THEMIS: variants seen among roughly 807,000 people sequenced by gnomAD.
THEMIS encodes the protein protein THEMIS.
Under a neutral mutation model 52.6 loss-of-function variants are expected in THEMIS, and 37 were observed. The ratio of observed to expected loss-of-function variants is 0.70; its 90% CI spans 0.54 to 0.93. The LOEUF (loss-of-function observed/expected upper bound fraction) is 0.93, where lower values mean the gene tolerates loss of function less well. THEMIS is among the 40% of genes least tolerant of loss of function. THEMIS has a pLI of 0.00. For synonymous variants in THEMIS, 292 were observed against 272.7 expected (o/e 1.07, Z -0.70); for missense variants, 808 against 763.1 (o/e 1.06, Z -0.69).
At chr6:127,878,964 G>C (rs1780396372) in intron 1 of THEMIS, among the ~76,000 whole-genome samples, 1 of 152,120 alleles carries the variant, frequency 6.6e-6, no homozygotes, top group African/African-American at 2.4e-5. Flanking sequence ...TTTCTAGTAA[G>C]AAGAGAAATT....
At chr6:127,798,297 G>T (rs1393579820) in intron 4 of THEMIS, among the ~76,000 whole-genome samples, 1 of 151,826 alleles carries the variant, frequency 6.6e-6, no homozygotes, top group African/African-American at 2.4e-5. Context: ...TGTGATATTA[G>T]TTCAAAAAAA....
intron 4 of THEMIS, among the ~76,000 whole-genome samples, chr6:127,809,118 G>C (rs1291998927): frequency 6.6e-6 from 1 of 152,160 alleles, no homozygotes; most frequent in African/African-American, 2.4e-5. Flanking sequence ...ACATTTTAAT[G>C]AGCTAAATGA....
chr6:127,867,689 C>G (rs948013315), intron 1 of THEMIS, among the ~76,000 whole-genome samples: 3 of 151,988 alleles, frequency 2.0e-5, no homozygotes, highest in Admixed American at 1.3e-4. Context: ...AAACGGAGAA[C>G]AGATATAGTT....
chr6:127,883,323 C>G lies in THEMIS; in HGVS notation c.91+17519G>C, dbSNP rs1040493672. Among the ~76,000 whole-genome samples, 10 of 151,780 alleles carry G rather than the reference C, an allele frequency of 6.6e-5. 1 individual carries two copies. In the East Asian group the frequency reaches 1.5e-3, roughly 23 times the overall value. On this transcript the variant is annotated intron_variant, in intron 1 of 5. Transcript: ENST00000368248. ...TAGCAGAGGTTGGTGATATGACAAA[C>G]AGGAGACCCTAAAAAAATGCAAATA...
intron 2 of THEMIS, among the ~76,000 whole-genome samples, chr6:127,846,572 T>C (rs1779222115): frequency 6.6e-6 from 1 of 151,906 alleles, no homozygotes; most frequent in Non-Finnish European, 1.5e-5. Context: ...CATACAATCC[T>C]CCTAGATTAA....
At chr6:127,862,496 T>G (rs1054875785) in intron 1 of THEMIS, among the ~76,000 whole-genome samples, 2 of 145,372 alleles carry the variant, frequency 1.4e-5, no homozygotes, top group African/African-American at 5.1e-5. Flanking sequence ...CTCTGCTCAT[T>G]GCAACCTCCA....
intron 4 of THEMIS, among the ~76,000 whole-genome samples, chr6:127,803,286 A>G (rs1443828467): frequency 6.6e-6 from 1 of 152,212 alleles, no homozygotes; most frequent in African/African-American, 2.4e-5. Flanking sequence ...AACCATTATC[A>G]TAATCCAGTT....
intron 1 of THEMIS, among the ~76,000 whole-genome samples, chr6:127,915,252 G>GT (rs1206583239): frequency 1.7e-4 from 21 of 121,120 alleles, no homozygotes; most frequent in East Asian, 1.7e-3. Context: ...TCATTTTGTT[G>GT]TTGTTTGTTT....
At chr6:127,729,643 A>G (rs1401348146) in intron 4 of THEMIS, among the ~76,000 whole-genome samples, 5 of 152,058 alleles carry the variant, frequency 3.3e-5, no homozygotes, top group Non-Finnish European at 7.4e-5. Flanking sequence ...TACTTAATCA[A>G]TCATTCTTCC....
intron 3 of THEMIS, among the ~76,000 whole-genome samples, chr6:127,821,851 C>A (rs1477281767): frequency 1.3e-5 from 2 of 151,886 alleles, no homozygotes; most frequent in African/African-American, 4.8e-5. Flanking sequence ...TAAGTGAGAA[C>A]CAATCCTTTG....
At chr6:127,740,027 C>T (rs761370062) in intron 4 of THEMIS, among the ~76,000 whole-genome samples, 1 of 152,090 alleles carries the variant, frequency 6.6e-6, no homozygotes, top group African/African-American at 2.4e-5. Flanking sequence ...TCTGGCTGTA[C>T]CCACGGGCAT....
chr6:127,888,694 A>G (rs554833763), intron 1 of THEMIS, among the ~76,000 whole-genome samples: 32 of 152,228 alleles, frequency 2.1e-4, no homozygotes, highest in African/African-American at 7.5e-4. Flanking sequence ...ATGCAAACCA[A>G]TTTTGTTTTT....
At chr6:127,820,238 A>G (rs1583314986) in intron 3 of THEMIS, among the ~76,000 whole-genome samples, 2 of 152,254 alleles carry the variant, frequency 1.3e-5, no homozygotes, top group East Asian at 1.9e-4. Context: ...AAAGAAGGGG[A>G]AAAATAGCAT....
At chr6:127,795,054 G>A (rs1031423588) in intron 4 of THEMIS, among the ~76,000 whole-genome samples, 19 of 152,136 alleles carry the variant, frequency 1.2e-4, no homozygotes, top group Non-Finnish European at 2.6e-4. Flanking sequence ...ATTCAGATGT[G>A]AGAATATAAA....
intron 4 of THEMIS, among the ~76,000 whole-genome samples, chr6:127,804,475 T>C (rs1777635206): frequency 6.6e-6 from 1 of 152,172 alleles, no homozygotes; most frequent in Non-Finnish European, 1.5e-5. Flanking sequence ...AAATAAGAGA[T>C]TAATACATGT....
chr6:127,824,786 C>A lies in THEMIS; in HGVS notation c.709+4690G>T, dbSNP rs567283844. 7.6e-3 allele frequency among the ~76,000 whole-genome samples: 1,155 copies of A among 152,154 alleles called. 31 individuals are homozygous for A. Among genetic ancestry groups the A allele is most frequent in the African/African-American group, 0.027 (1,113 of 41,520 alleles). On this transcript the variant is annotated intron_variant, in intron 3 of 5. Coordinates refer to ENST00000368248, the MANE Select transcript of THEMIS (RefSeq NM_001010923.3). ...TGCTGGGATTGCAGGCGTGAGCCAC[C>A]GGGTGGCAGGCGCCTGTAGTCCCAG...
chr6:127,879,868 A>G (rs1162511305), intron 1 of THEMIS, among the ~76,000 whole-genome samples: 1 of 151,822 alleles, frequency 6.6e-6, no homozygotes, highest in Non-Finnish European at 1.5e-5. Flanking sequence ...ACAGTTTGGT[A>G]TTTTCCCTAC....
At chr6:127,701,141 C>G in the THEMIS span, among the ~76,000 whole-genome samples, 1 of 152,068 alleles carries the variant, frequency 6.6e-6, no homozygotes, top group Non-Finnish European at 1.5e-5. Flanking sequence ...CCAGAGACCA[C>G]TTTTGTGCCT....
chr6:127,887,807 C>T (rs938552754), intron 1 of THEMIS, among the ~76,000 whole-genome samples: 1 of 152,090 alleles, frequency 6.6e-6, no homozygotes, highest in African/African-American at 2.4e-5. Context: ...TAAAACCATT[C>T]AGTTGTATAC....
Sources: gnomAD v4.1 joint callset for allele counts (sites outside exome capture counted in the v4.1 genomes callset) on GRCh38, gnomAD v4.1.1 for gene constraint, MANE v1.5 for transcripts, NCBI Gene and HGNC (gene_info 2026-07-23, HGNC 2026-07-21) for gene names.